PCID2: variants seen among roughly 807,000 people sequenced by gnomAD.
PCID2 encodes the protein PCI domain containing 2.
PCID2 carries 41 observed loss-of-function variants against 61.3 expected under a neutral mutation model. That is an observed-to-expected ratio of 0.67 (90% CI 0.52 to 0.87). The LOEUF is 0.87. PCID2 is among the 40% of genes least tolerant of loss of function. The probability of loss-of-function intolerance (pLI) is 0.00; values close to 1 mark genes in which losing one functional copy is unlikely to be tolerated. For synonymous variants in PCID2, 187 were observed against 177.8 expected (o/e 1.05, Z -0.41); for missense variants, 392 against 493.4 (o/e 0.79, Z 1.95).
chr13:113,189,302 T>C (rs1348575726), intron 7 of PCID2, among the ~76,000 whole-genome samples: 3 of 152,060 alleles, frequency 2.0e-5, no homozygotes, highest in African/African-American at 7.2e-5. Context: ...TAAACCTCTT[T>C]TCTTACATTC....
the PCID2 span, among the ~76,000 whole-genome samples, chr13:113,165,750 C>T: frequency 6.6e-6 from 1 of 152,170 alleles, no homozygotes; most frequent in African/African-American, 2.4e-5. Context: ...AGGATGGTCT[C>T]GAATGCCTGA....
At chr13:113,195,416 C>T (rs1343332873) in intron 5 of PCID2, among the ~76,000 whole-genome samples, 1 of 152,228 alleles carries the variant, frequency 6.6e-6, no homozygotes, top group African/African-American at 2.4e-5. Context: ...CTCCTCCCCT[C>T]AGCTTCCCAC....
chr13:113,167,688 T>A, the PCID2 span, among the ~76,000 whole-genome samples: 4 of 152,212 alleles, frequency 2.6e-5, no homozygotes, highest in African/African-American at 9.6e-5. Flanking sequence ...ATAAATAAGG[T>A]ACATGTTTTA....
chr13:113,185,344 T>C (rs1443469105), intron 8 of PCID2, 141 bp downstream of exon 8: 1 of 645,814 alleles, frequency 1.5e-6, no homozygotes, highest in Non-Finnish European at 2.8e-6. Context: ...ATTCAACAAA[T>C]GTTTGCTATT....
intron 1 of PCID2, among the ~76,000 whole-genome samples, chr13:113,206,357 G>C (rs746021582): frequency 6.6e-6 from 1 of 152,142 alleles, no homozygotes; most frequent in Non-Finnish European, 1.5e-5. Flanking sequence ...ACTTGGAAAG[G>C]GCAAAGTAAA....
the PCID2 span, chr13:113,170,445 CTG>C: frequency 6.2e-7 from 1 of 1,608,636 alleles, no homozygotes; most frequent in Non-Finnish European, 8.5e-7. Context: ...GAAAAGACTT[CTG>C]TGGTGGTGTT....
chr13:113,197,597 G>A (rs1188171987), intron 3 of PCID2, among the ~76,000 whole-genome samples: 2 of 152,126 alleles, frequency 1.3e-5, no homozygotes, highest in Non-Finnish European at 2.9e-5. Flanking sequence ...GGAACCTATC[G>A]CACACTGCAC....
At position 113,181,400 on chromosome 13, in the gene PCID2, A is replaced by G. The variant is rs552432176; in HGVS notation, c.686-170T>C. On this transcript the variant is annotated intron_variant, in intron 9 of 13. Transcript: ENST00000337344. ...TTTCTGTGATCAATGACTTTCCTTA[A>G]GTAAAATCCATACCCCCAAATTCAA... 1.7e-3 allele frequency among the ~76,000 whole-genome samples: 258 copies of G among 152,354 alleles called. 1 individual carries two copies. Among genetic ancestry groups the G allele is most frequent in the African/African-American group, 6.1e-3 (253 of 41,586 alleles).
chr13:113,190,118 AAG>A (rs1395189480), intron 7 of PCID2, among the ~76,000 whole-genome samples: 1 of 152,148 alleles, frequency 6.6e-6, no homozygotes, highest in East Asian at 1.9e-4. Context: ...AAATCCCAGA[AAG>A]AGAAGAGAAA....
At chr13:113,177,467 TTG>T (rs1349445500), downstream of PCID2, 23 of 152,176 alleles carry the variant, frequency 1.5e-4, no homozygotes, top group African/African-American at 5.3e-4. Context: ...AAAATCGGCT[TTG>T]TGTTTGATTT....
chr13:113,199,687 A>G (rs777503441), intron 2 of PCID2, among the ~76,000 whole-genome samples: 1 of 152,156 alleles, frequency 6.6e-6, no homozygotes, highest in African/African-American at 2.4e-5. Context: ...CCTGAGTCTC[A>G]TCGAGTCTCT....
At chr13:113,165,096 G>A in the PCID2 span, 11 of 1,612,192 alleles carry the variant, frequency 6.8e-6, no homozygotes, top group East Asian at 1.6e-4. Flanking sequence ...AGCGTGCACC[G>A]GATCTACAGG....
intron 9 of PCID2, among the ~76,000 whole-genome samples, chr13:113,182,646 C>G (rs910732392): frequency 6.6e-6 from 1 of 152,092 alleles, no homozygotes; most frequent in Admixed American, 6.6e-5. Flanking sequence ...ACTACAGGCA[C>G]CCACCACCGT....
At chr13:113,165,115 TG>T in the PCID2 span, 4 of 1,611,624 alleles carry the variant, frequency 2.5e-6, no homozygotes, top group African/African-American at 5.3e-5. Flanking sequence ...GGACCTCCCG[TG>T]GCAGGTAACA....
At chr13:113,197,759 C>A (rs1310156551) in intron 3 of PCID2, among the ~76,000 whole-genome samples, 1 of 152,230 alleles carries the variant, frequency 6.6e-6, no homozygotes, top group African/African-American at 2.4e-5. Flanking sequence ...GTAATCAAAT[C>A]TCACATGGCT....
At chr13:113,174,179 A>G (rs1442672079), downstream of PCID2, among the ~76,000 whole-genome samples, 1 of 151,872 alleles carries the variant, frequency 6.6e-6, no homozygotes, top group African/African-American at 2.4e-5. Context: ...CAGAGGTTGC[A>G]GTAAACCGAG....
downstream of PCID2, among the ~76,000 whole-genome samples, chr13:113,175,804 G>A (rs761435539): frequency 1.3e-5 from 2 of 152,198 alleles, no homozygotes; most frequent in Non-Finnish European, 2.9e-5. Flanking sequence ...GCTGGAATCC[G>A]GGTGTGACTT....
downstream of PCID2, among the ~76,000 whole-genome samples, chr13:113,177,072 G>A (rs1160578736): frequency 6.6e-6 from 1 of 152,234 alleles, no homozygotes; most frequent in African/African-American, 2.4e-5. Flanking sequence ...CGTCCACGCA[G>A]CCCTTCAGTT....
rs1462366028 is a variant in PCID2 at position 113,208,642 on chromosome 13, C to G, written c.-8G>C. 1.9e-6 allele frequency: 3 copies of G among 1,605,836 alleles called. No individual in the cohort carries two copies. In the South Asian group the frequency reaches 3.3e-5, roughly 18 times the overall value. On this transcript the variant is annotated 5_prime_UTR_variant, in exon 1 of 14. Transcript: ENST00000337344. ...AATGGTAATGTGCGCCATGGGAGCG[C>G]CGCCGAACGGAGAGCGCCACCCCCT... is the stretch of plus-strand genomic sequence containing the variant.
Sources: gnomAD v4.1 joint callset for allele counts (sites outside exome capture counted in the v4.1 genomes callset) on GRCh38, gnomAD v4.1.1 for gene constraint, MANE v1.5 for transcripts, NCBI Gene and HGNC (gene_info 2026-07-23, HGNC 2026-07-21) for gene names.